Variants in SLCO5A1 observed in about 807,000 individuals in gnomAD.
SLCO5A1 encodes the protein solute carrier organic anion transporter family member 5A1.
In SLCO5A1, 39 loss-of-function variants were observed where a neutral mutation model predicts 65.1. That is an observed-to-expected ratio of 0.60 (90% CI 0.46 to 0.78). The LOEUF (loss-of-function observed/expected upper bound fraction) is 0.78. Ranked by LOEUF, SLCO5A1 falls within the 30% of genes least tolerant of loss-of-function variation. SLCO5A1 has a pLI of 0.00. For synonymous variants in SLCO5A1, 438 were observed against 415.7 expected (o/e 1.05, Z -0.65); for missense variants, 1,029 against 1,069.4 (o/e 0.96, Z 0.53).
chr8:69,763,595 A>G, intron 2 of SLCO5A1, among the ~76,000 whole-genome samples: 1 of 126,870 alleles, frequency 7.9e-6, no homozygotes. Flanking sequence ...ACTCCAGGCT[A>G]GGAAACAGAG....
intron 5 of SLCO5A1, among the ~76,000 whole-genome samples, chr8:69,712,500 G>A (rs1264365985): frequency 6.6e-6 from 1 of 152,130 alleles, no homozygotes; most frequent in Non-Finnish European, 1.5e-5. Flanking sequence ...GCATGATTTG[G>A]AGCACAGGAA....
At chr8:69,744,346 T>G (rs1361223003) in intron 4 of SLCO5A1, among the ~76,000 whole-genome samples, 1 of 152,158 alleles carries the variant, frequency 6.6e-6, no homozygotes, top group Non-Finnish European at 1.5e-5. Flanking sequence ...TGCCCCAAGC[T>G]TCATCCATGG....
At chr8:69,736,771 C>T (rs1295769532) in intron 5 of SLCO5A1, among the ~76,000 whole-genome samples, 1 of 152,204 alleles carries the variant, frequency 6.6e-6, no homozygotes, top group Non-Finnish European at 1.5e-5. Context: ...TTCCCACTAA[C>T]ACCTTTGAAT....
At chr8:69,780,979 A>G in intron 2 of SLCO5A1, among the ~76,000 whole-genome samples, 1 of 152,196 alleles carries the variant, frequency 6.6e-6, no homozygotes, top group Non-Finnish European at 1.5e-5. Context: ...CAGTTTCATC[A>G]CTAATAGGCT....
At chr8:69,789,028 TCC>T (rs1819152519) in intron 2 of SLCO5A1, among the ~76,000 whole-genome samples, 1 of 152,184 alleles carries the variant, frequency 6.6e-6, no homozygotes, top group African/African-American at 2.4e-5. Flanking sequence ...CTCTGAAATA[TCC>T]CCAAACATAT....
intron 4 of SLCO5A1, among the ~76,000 whole-genome samples, chr8:69,754,550 G>T (rs573320025): frequency 6.6e-6 from 1 of 152,080 alleles, no homozygotes; most frequent in African/African-American, 2.4e-5. Flanking sequence ...TAAATATTAT[G>T]CTTCATAATT....
At chr8:69,722,033 A>T (rs538517549) in intron 5 of SLCO5A1, among the ~76,000 whole-genome samples, 1 of 152,242 alleles carries the variant, frequency 6.6e-6, no homozygotes, top group African/African-American at 2.4e-5. Context: ...CTAGCCAGGC[A>T]TGGTGGCATA....
chr8:69,822,779 C>A (rs770959857), intron 2 of SLCO5A1, among the ~76,000 whole-genome samples: 7 of 152,192 alleles, frequency 4.6e-5, no homozygotes, highest in Non-Finnish European at 1.0e-4. Flanking sequence ...CTGGGAGAAG[C>A]CAAGGGGTTT....
At position 69,672,335 on chromosome 8, in the gene SLCO5A1, C is replaced by G. The variant is rs1415002157; in HGVS notation, c.*534G>C. ...CAGTACTGGATGGAAAGTTCAGCTT[C>G]CTCTTTTCAGAAACATATCTGCTTT... On this transcript the variant is annotated 3_prime_UTR_variant, in exon 10 of 10. Coordinates refer to ENST00000260126, the MANE Select transcript of SLCO5A1 (RefSeq NM_030958.3). 6.3e-6 allele frequency: 1 copy of G among 158,796 alleles called. No individual in the cohort carries two copies. Among genetic ancestry groups the G allele is most frequent in the Non-Finnish European group, 1.4e-5 (1 of 71,322 alleles). 9.8% of individuals were successfully genotyped at this position (158,796 alleles called of 1,614,324 possible).
intron 2 of SLCO5A1, among the ~76,000 whole-genome samples, chr8:69,786,477 C>T (rs1226315989): frequency 1.3e-5 from 2 of 152,182 alleles, no homozygotes; most frequent in Admixed American, 1.3e-4. Flanking sequence ...GGCTTCAGTG[C>T]TTAAGCTACA....
intron 2 of SLCO5A1, among the ~76,000 whole-genome samples, chr8:69,831,271 A>T (rs1821138638): frequency 1.3e-5 from 2 of 152,134 alleles, no homozygotes; most frequent in Admixed American, 6.5e-5. Flanking sequence ...AAAAGAAAAA[A>T]AAAAAAAAGA....
At chr8:69,768,639 T>C (rs1352541446) in intron 2 of SLCO5A1, among the ~76,000 whole-genome samples, 1 of 152,108 alleles carries the variant, frequency 6.6e-6, no homozygotes, top group Non-Finnish European at 1.5e-5. Context: ...CTGGCCTCTC[T>C]CTACACGAGC....
rs1420220292 is a variant in SLCO5A1, at chr8:69,833,149, C to G, written c.-476G>C. The stretch of plus-strand genomic sequence containing the variant: ...GTTCGCCGCCTGGGCTCGCGGCACC[C>G]TCGGGAGTGAAGCTGCCGACCTGCA... On this transcript the variant is annotated 5_prime_UTR_variant, in exon 2 of 10. Coordinates refer to ENST00000260126, the MANE Select transcript of SLCO5A1 (RefSeq NM_030958.3). The G allele has an allele frequency of 6.2e-6, 1 of 161,738 alleles. No homozygotes were observed. The highest frequency in any genetic ancestry group is 2.4e-5 in the African/African-American group (1 of 41,570). 10.0% of individuals were successfully genotyped at this position (161,738 alleles called of 1,614,324 possible). A position where few individuals can be genotyped will look rare whatever the true frequency, so the allele number is the denominator to read the frequency against.
At chr8:69,802,130 A>T (rs917975517) in intron 2 of SLCO5A1, among the ~76,000 whole-genome samples, 11 of 152,184 alleles carry the variant, frequency 7.2e-5, no homozygotes, top group Non-Finnish European at 1.6e-4. Context: ...TGAGAAAAAA[A>T]TACCTTATCT....
In SLCO5A1 at chr8:69,671,582, A is replaced by C. The variant is rs554769390; in HGVS notation, c.*1287T>G. The C allele has an allele frequency of 6.6e-6, 1 of 152,340 alleles. No homozygotes were observed. The highest frequency in any genetic ancestry group is 2.1e-4 in the South Asian group (1 of 4,836). The allele number at this position is 152,340 out of a possible 1,614,324, so 9.4% of individuals were successfully genotyped here. ...GATGTGCTGGGAGGTACTGAAAAGA[A>C]TGATGGGTAATGAACCCAAAGTGCA... On this transcript the variant is annotated 3_prime_UTR_variant, in exon 10 of 10. Coordinates refer to ENST00000260126, the MANE Select transcript of SLCO5A1 (RefSeq NM_030958.3).
intron 5 of SLCO5A1, among the ~76,000 whole-genome samples, chr8:69,709,165 G>GAT (rs1331901494): frequency 6.6e-6 from 1 of 152,214 alleles, no homozygotes; most frequent in Non-Finnish European, 1.5e-5. Flanking sequence ...AGGAAGAAGG[G>GAT]ATATGGGTCT....
rs1042466780 is a variant in SLCO5A1 at position 69,753,640 on chromosome 8, C to T, written c.1258+1784G>A. Among the ~76,000 whole-genome samples the T allele has an allele frequency of 4.6e-5, 7 of 152,162 alleles. No homozygotes were observed. In the East Asian group the frequency reaches 1.3e-3, roughly 29 times the overall value. The stretch of plus-strand genomic sequence containing the variant: ...CATATTCAAGTCACCTAACCCTAAG[C>T]TATAAAACATATAATTTTATCTTAC... On this transcript the variant is annotated intron_variant, in intron 4 of 9. Coordinates refer to ENST00000260126, the MANE Select transcript of SLCO5A1 (RefSeq NM_030958.3).
intron 9 of SLCO5A1, 47 bp from the exon 10 acceptor site, chr8:69,673,373 C>A: frequency 6.7e-7 from 1 of 1,499,612 alleles, no homozygotes; most frequent in Non-Finnish European, 9.2e-7. Flanking sequence ...GCACATCTTC[C>A]AAGGGAAAAC....
At chr8:69,817,354 G>T (rs577567001) in intron 2 of SLCO5A1, among the ~76,000 whole-genome samples, 16 of 152,132 alleles carry the variant, frequency 1.1e-4, no homozygotes, top group African/African-American at 1.4e-4. Context: ...ATATTATATA[G>T]ATATATAGAT....
Sources: gnomAD v4.1 joint callset for allele counts (sites outside exome capture counted in the v4.1 genomes callset) on GRCh38, gnomAD v4.1.1 for gene constraint, MANE v1.5 for transcripts, NCBI Gene and HGNC (gene_info 2026-07-23, HGNC 2026-07-21) for gene names.